HDAC9: variants seen among roughly 807,000 people sequenced by gnomAD.
HDAC9 encodes MEF-2 interacting transcription repressor (MITR) protein.
HDAC9 carries 41 observed loss-of-function variants against 139.4 expected under a neutral mutation model. That is an observed-to-expected ratio of 0.29 (90% confidence interval 0.23 to 0.38). The LOEUF is 0.38. Ranked by LOEUF, HDAC9 falls within the 10% of genes least tolerant of loss-of-function variation. The pLI is 1.00. For synonymous variants in HDAC9, 517 were observed against 476.2 expected, an observed-to-expected ratio of 1.09 and a Z score of -1.12; for missense variants, 1,147 against 1,297.0, an observed-to-expected ratio of 0.88 and a Z score of 1.78.
Position 18,406,281 on chromosome 7 carries a change from G to A in HDAC9, c.-41-89981G>A, listed in dbSNP as rs189322228. Among the ~76,000 whole-genome samples the A allele has an allele frequency of 9.3e-3, 1,412 of 152,150 alleles. 15 individuals carry two copies. The highest frequency in any genetic ancestry group is 0.054 in the Middle Eastern group (16 of 294). On this transcript the variant is annotated intron_variant, in intron 1 of 3. Transcript: ENST00000413509. ...AAACATTTTTATAAGACAAGTATTA[G>A]GTTGGTGTAAAAGTAATTGCAGTTT...
intron 1 of HDAC9, among the ~76,000 whole-genome samples, chr7:18,422,828 C>G (rs142873167): frequency 1.1e-4 from 17 of 151,650 alleles, no homozygotes; most frequent in African/African-American, 3.4e-4. Flanking sequence ...ATTTTTTTCC[C>G]CTCTCAAGAC....
chr7:18,103,522 A>G (rs1005308740), intron 1 of HDAC9, among the ~76,000 whole-genome samples: 1 of 151,906 alleles, frequency 6.6e-6, no homozygotes, highest in Non-Finnish European at 1.5e-5. Context: ...CCCGGTGCCT[A>G]TTGTTCATAG....
intron 2 of HDAC9, among the ~76,000 whole-genome samples, chr7:18,279,421 G>A (rs1796950707): frequency 6.6e-6 from 1 of 151,538 alleles, no homozygotes; most frequent in African/African-American, 2.4e-5. Context: ...TGAAGATGAT[G>A]CAAAAAATTG....
chr7:18,616,288 C>T (rs1489939410), intron 6 of HDAC9, among the ~76,000 whole-genome samples: 1 of 79,468 alleles, frequency 1.3e-5, no homozygotes, highest in Non-Finnish European at 4.5e-5. Flanking sequence ...ATTATTCTGC[C>T]TACCCCAAGT....
At chr7:18,759,415 G>C (rs1057295700) in intron 14 of HDAC9, among the ~76,000 whole-genome samples, 21 of 151,956 alleles carry the variant, frequency 1.4e-4, no homozygotes, top group Admixed American at 1.4e-3. Flanking sequence ...TGTGAACTGC[G>C]CATGTGAGGG....
chr7:18,856,658 G>A (rs1294596907), intron 21 of HDAC9, among the ~76,000 whole-genome samples: 3 of 152,116 alleles, frequency 2.0e-5, no homozygotes, highest in African/African-American at 7.2e-5. Context: ...CTTAATTTCA[G>A]TTTATGAGTT....
chr7:18,463,542 CT>C (rs1215776310), intron 1 of HDAC9, among the ~76,000 whole-genome samples: 13 of 151,744 alleles, frequency 8.6e-5, no homozygotes, highest in African/African-American at 2.9e-4. Flanking sequence ...TTGAAGTCTC[CT>C]TTAATATTCC....
intron 2 of HDAC9, among the ~76,000 whole-genome samples, chr7:18,196,976 CAGT>C (rs936283804): frequency 6.6e-6 from 1 of 152,188 alleles, no homozygotes; most frequent in Non-Finnish European, 1.5e-5. Context: ...ACATTTAAAT[CAGT>C]AGACTGAGTA....
intron 24 of HDAC9, among the ~76,000 whole-genome samples, chr7:18,965,131 A>C (rs1312041308): frequency 1.6e-4 from 24 of 152,216 alleles, no homozygotes; most frequent in Admixed American, 1.4e-3. Context: ...TCTTTCCCAG[A>C]AGATGAGTAT....
chr7:18,752,322 A>C (rs935465021), intron 14 of HDAC9, among the ~76,000 whole-genome samples: 1 of 152,052 alleles, frequency 6.6e-6, no homozygotes, highest in Non-Finnish European at 1.5e-5. Flanking sequence ...TGAGCCTTCT[A>C]AAGGAATCAA....
chr7:18,519,242 C>G (rs1804210754), intron 2 of HDAC9, among the ~76,000 whole-genome samples: 1 of 152,090 alleles, frequency 6.6e-6, no homozygotes. Context: ...GTAATCCTAT[C>G]TAGAGAAAGT....
intron 11 of HDAC9, among the ~76,000 whole-genome samples, chr7:18,651,626 AAG>A (rs1314837149): frequency 4.6e-5 from 7 of 151,848 alleles, no homozygotes; most frequent in South Asian, 2.1e-4. Flanking sequence ...TTAAATTTGA[AAG>A]AGTTTTTCAT....
At chr7:18,179,845 A>G (rs140929871) in intron 2 of HDAC9, among the ~76,000 whole-genome samples, 1 of 152,324 alleles carries the variant, frequency 6.6e-6, no homozygotes, top group African/African-American at 2.4e-5. Flanking sequence ...ATGTAATTGT[A>G]CAAGAGATAG....
chr7:18,135,006 G>T (rs1424834351), intron 1 of HDAC9, among the ~76,000 whole-genome samples: 4 of 152,064 alleles, frequency 2.6e-5, no homozygotes, highest in African/African-American at 9.7e-5. Flanking sequence ...TATCTAAACA[G>T]ATCTAATTTA....
chr7:18,735,239 A>G (rs1245002934), intron 13 of HDAC9, among the ~76,000 whole-genome samples: 1 of 152,208 alleles, frequency 6.6e-6, no homozygotes, highest in African/African-American at 2.4e-5. Flanking sequence ...TTTTAGCTTA[A>G]TTAGATCCCA....
chr7:18,509,013 A>G (rs554574336), intron 2 of HDAC9, among the ~76,000 whole-genome samples: 1 of 152,368 alleles, frequency 6.6e-6, no homozygotes, highest in East Asian at 1.9e-4. Flanking sequence ...AAATAGTTGT[A>G]TAAGGAAGTA....
chr7:18,800,877 T>A (rs1432899928), intron 17 of HDAC9, among the ~76,000 whole-genome samples: 1 of 151,908 alleles, frequency 6.6e-6, no homozygotes, highest in Non-Finnish European at 1.5e-5. Context: ...AGACAAAAAA[T>A]ATATATATGT....
At chr7:18,364,422 GA>G (rs1784020034) in intron 1 of HDAC9, among the ~76,000 whole-genome samples, 1 of 152,090 alleles carries the variant, frequency 6.6e-6, no homozygotes, top group African/African-American at 2.4e-5. Flanking sequence ...CACAAGGAAG[GA>G]AAAAATAAGC....
chr7:18,850,720 A>G (rs1051091743), intron 21 of HDAC9, among the ~76,000 whole-genome samples: 1 of 152,162 alleles, frequency 6.6e-6, no homozygotes, highest in African/African-American at 2.4e-5. Context: ...ACAACATATC[A>G]TGGACTGGAT....
Sources: gnomAD v4.1 joint callset for allele counts (sites outside exome capture counted in the v4.1 genomes callset) on GRCh38, gnomAD v4.1.1 for gene constraint, MANE v1.5 for transcripts, NCBI Gene and HGNC (gene_info 2026-07-23, HGNC 2026-07-21) for gene names.